The following NECAB1 variants were observed in gnomAD, a reference collection of about 807,000 sequenced individuals.
NECAB1 encodes the protein N-terminal EF-hand calcium-binding protein 1.
A neutral mutation model predicts 57.5 loss-of-function variants in NECAB1; 29 were observed. The ratio of observed to expected loss-of-function variants is 0.50; its 90% CI spans 0.38 to 0.69. NECAB1 has a LOEUF of 0.69. Ranked by LOEUF, NECAB1 falls within the 30% of genes least tolerant of loss-of-function variation. The pLI is 0.00. For synonymous variants in NECAB1, 142 were observed against 147.7 expected, an observed-to-expected ratio of 0.96 and a Z score of 0.28; for missense variants, 372 against 413.8, an observed-to-expected ratio of 0.90 and a Z score of 0.88.
At chr8:90,906,895 A>ATATATATATGTATG (rs1563528311) in intron 5 of NECAB1, among the ~76,000 whole-genome samples, 3 of 139,196 alleles carry the variant, frequency 2.2e-5, no homozygotes, top group African/African-American at 5.6e-5. Context: ...ATATATATAT[A>ATATATATATGTATG]TATATATATA....
chr8:90,888,982 T>C lies in NECAB1; in HGVS notation c.357+7852T>C, dbSNP rs79045207. Among the ~76,000 whole-genome samples the C allele has an allele frequency of 4.3e-4, 66 of 152,294 alleles. No individual in the cohort carries two copies. In the East Asian group the frequency reaches 8.5e-3, roughly 20 times the overall value. ...ATGGATCATACTCACTTTTTAGGAC[T>C]ACCAATTATGCCACAAGCAGCCTAG... On this transcript the variant is annotated intron_variant, in intron 5 of 12. Coordinates refer to ENST00000417640, the MANE Select transcript of NECAB1 (RefSeq NM_022351.5).
rs1563545949 is a variant in NECAB1, at chr8:90,947,306, AC to A, written c.861-2500del. Among the ~76,000 whole-genome samples, 696 of 95,596 alleles carry A rather than the reference AC, an allele frequency of 7.3e-3. 32 individuals are homozygous for A. Among genetic ancestry groups the A allele is most frequent in the African/African-American group, 0.023 (621 of 26,650 alleles). 62.7% of individuals were successfully genotyped at this position (95,596 alleles called of 152,430 possible). ...TAGCTATTGGGCTAACAACACATAC[AC>A]ACACACACACACACACACACACACA... is the stretch of plus-strand genomic sequence containing the variant. On this transcript the variant is annotated intron_variant, in intron 10 of 12. Transcript: ENST00000417640.
chr8:90,865,988 G>A (rs1808505635), intron 3 of NECAB1, among the ~76,000 whole-genome samples: 1 of 152,136 alleles, frequency 6.6e-6, no homozygotes, highest in Admixed American at 6.5e-5. Context: ...TCCCTTTGCT[G>A]TTAACCTGAT....
chr8:90,820,242 T>C (rs1484466542), intron 2 of NECAB1, among the ~76,000 whole-genome samples: 1 of 144,898 alleles, frequency 6.9e-6, no homozygotes, highest in Non-Finnish European at 1.5e-5. Flanking sequence ...TTCAGGTTTT[T>C]CAGCTTTTTG....
chr8:90,849,686 A>ATTTTTTTTTTTTTT (rs34779201), intron 3 of NECAB1, among the ~76,000 whole-genome samples: 3 of 84,110 alleles, frequency 3.6e-5, no homozygotes, highest in Non-Finnish European at 4.6e-5. Context: ...GTTTCCAGTA[A>ATTTTTTTTTTTTTT]TTTTTTTTTT....
Position 90,940,897 on chromosome 8 carries a change from C to T in NECAB1, c.859C>T (p.Arg287Cys), listed in dbSNP as rs754282757. The stretch of plus-strand genomic sequence containing the variant: ...TGCTTCCTCCCAAAGTGGATGCTTG[C>T]GGTAAGTGCTCCGACTCCTGCACCT... Reference protein sequence around the residue: ...ESASSQSGCLRISIQKLSNES... With the variant: ...ESASSQSGCLCISIQKLSNES... The change falls in exon 10 of 13, where the codon CGT (arginine) becomes TGT (cysteine). Residue 287 changes from arginine (R) to cysteine (C), a missense_variant and splice_region_variant. Transcript: ENST00000417640. 9 of 1,555,502 alleles carry T rather than the reference C, an allele frequency of 5.8e-6. No individual in the cohort carries two copies. The highest frequency in any genetic ancestry group is 3.6e-5 in the South Asian group (3 of 84,236).
chr8:90,821,191 C>T (rs1406055906), intron 2 of NECAB1, among the ~76,000 whole-genome samples: 6 of 151,760 alleles, frequency 4.0e-5, no homozygotes, highest in Non-Finnish European at 7.4e-5. Flanking sequence ...TCTACTTACT[C>T]CACAGGTACC....
intron 2 of NECAB1, among the ~76,000 whole-genome samples, chr8:90,823,544 G>A (rs1273332224): frequency 6.6e-6 from 1 of 151,718 alleles, no homozygotes; most frequent in African/African-American, 2.4e-5. Flanking sequence ...TGGGGCCTAG[G>A]AATCTGCATT....
At chr8:90,906,881 A>ATATATATG (rs1418545586) in intron 5 of NECAB1, among the ~76,000 whole-genome samples, 1 of 112,646 alleles carries the variant, frequency 8.9e-6, no homozygotes, top group African/African-American at 4.1e-5. Flanking sequence ...ATACACATAT[A>ATATATATG]TATATATATA....
At chr8:90,897,520 G>A (rs1809385563) in intron 5 of NECAB1, among the ~76,000 whole-genome samples, 1 of 151,968 alleles carries the variant, frequency 6.6e-6, no homozygotes, top group Non-Finnish European at 1.5e-5. Flanking sequence ...AAATTAAGAT[G>A]GCTATGTCAT....
At chr8:90,840,739 G>T (rs150010811) in intron 3 of NECAB1, among the ~76,000 whole-genome samples, 46 of 152,192 alleles carry the variant, frequency 3.0e-4, no homozygotes, top group African/African-American at 1.1e-3. Flanking sequence ...ACCACATAAC[G>T]CACAGTCATT....
At chr8:90,935,664 T>C (rs1487273270) in intron 9 of NECAB1, among the ~76,000 whole-genome samples, 1 of 152,158 alleles carries the variant, frequency 6.6e-6, no homozygotes, top group African/African-American at 2.4e-5. Context: ...ACTTATCTAA[T>C]GTTGTGAGAG....
intron 3 of NECAB1, among the ~76,000 whole-genome samples, chr8:90,859,530 G>T (rs1010620301): frequency 6.6e-6 from 1 of 152,180 alleles, no homozygotes; most frequent in Non-Finnish European, 1.5e-5. Flanking sequence ...TGGTTGGTTA[G>T]TCAGTTATGA....
chr8:90,915,070 G>A (rs990775996), intron 5 of NECAB1, among the ~76,000 whole-genome samples: 13 of 152,074 alleles, frequency 8.5e-5, no homozygotes, highest in African/African-American at 2.9e-4. Context: ...GTAAATGTTT[G>A]CTTTCTTCAT....
At chr8:90,864,482 TG>T (rs1319540781) in intron 3 of NECAB1, among the ~76,000 whole-genome samples, 2 of 152,048 alleles carry the variant, frequency 1.3e-5, no homozygotes, top group African/African-American at 4.8e-5. Flanking sequence ...CCCCTTCAAG[TG>T]TTCTCATTGA....
chr8:90,906,669 AG>A (rs1275051922), intron 5 of NECAB1, among the ~76,000 whole-genome samples: 1 of 151,990 alleles, frequency 6.6e-6, no homozygotes, highest in Admixed American at 6.6e-5. Flanking sequence ...ATTCTATAGA[AG>A]GAGTATTTTA....
intron 2 of NECAB1, among the ~76,000 whole-genome samples, chr8:90,811,783 C>T (rs980170354): frequency 6.6e-6 from 1 of 152,154 alleles, no homozygotes; most frequent in African/African-American, 2.4e-5. Flanking sequence ...TAGAACCCAT[C>T]CCACCAGTTC....
chr8:90,800,963 G>A (rs2130643372), intron 1 of NECAB1, among the ~76,000 whole-genome samples: 1 of 152,172 alleles, frequency 6.6e-6, no homozygotes, highest in Non-Finnish European at 1.5e-5. Flanking sequence ...TGGCCAAATA[G>A]TTCTTATACA....
chr8:90,954,033 C>T (rs1464728778), intron 12 of NECAB1, among the ~76,000 whole-genome samples: 1 of 151,348 alleles, frequency 6.6e-6, no homozygotes, highest in African/African-American at 2.4e-5. Context: ...CGTGCCAGTG[C>T]ACTCCAGCCT....
Sources: gnomAD v4.1 joint callset for allele counts (sites outside exome capture counted in the v4.1 genomes callset) on GRCh38, gnomAD v4.1.1 for gene constraint, MANE v1.5 for transcripts, NCBI Gene and HGNC (gene_info 2026-07-23, HGNC 2026-07-21) for gene names.